EXOC6B: variants seen among roughly 807,000 people sequenced by gnomAD.
The protein encoded by EXOC6B is exocyst complex component 6B, also known as SEC15 homolog B.
A neutral mutation model predicts 113.5 loss-of-function variants in EXOC6B; 54 were observed. That is an observed-to-expected ratio of 0.48 (90% CI 0.38 to 0.60). The LOEUF is 0.60. EXOC6B is among the 20% of genes least tolerant of loss of function. The pLI, the probability that EXOC6B is intolerant of heterozygous loss-of-function variation, is 0.00. For missense variants in EXOC6B, 797 were observed against 977.5 expected (o/e 0.82, Z 2.46); for synonymous variants, 357 against 339.0 (o/e 1.05, Z -0.58).
intron 1 of EXOC6B, among the ~76,000 whole-genome samples, chr2:72,823,174 T>C (rs576639133): frequency 6.9e-6 from 1 of 145,806 alleles, no homozygotes; most frequent in Admixed American, 6.8e-5. Flanking sequence ...AAAAAAAAGT[T>C]GAGATCAAAA....
intron 17 of EXOC6B, among the ~76,000 whole-genome samples, chr2:72,466,431 A>G (rs1698063535): frequency 6.6e-6 from 1 of 152,112 alleles, no homozygotes; most frequent in Admixed American, 6.6e-5. Flanking sequence ...TACCTGTTCA[A>G]CTCAGACCAA....
chr2:72,321,352 T>C (rs1037127765), intron 20 of EXOC6B, among the ~76,000 whole-genome samples: 4 of 151,986 alleles, frequency 2.6e-5, no homozygotes, highest in Non-Finnish European at 5.9e-5. Context: ...CTGGTCAACA[T>C]GGTGAAACCT....
At chr2:72,606,639 T>C (rs1011174076) in intron 6 of EXOC6B, among the ~76,000 whole-genome samples, 4 of 151,884 alleles carry the variant, frequency 2.6e-5, no homozygotes, top group African/African-American at 9.7e-5. Context: ...TTCTTTCTTT[T>C]TTTTTTTTAG....
chr2:72,636,370 A>AAGGAAGGT (rs1287706583), intron 6 of EXOC6B, among the ~76,000 whole-genome samples: 6 of 95,168 alleles, frequency 6.3e-5, no homozygotes, highest in Non-Finnish European at 1.0e-4. Flanking sequence ...GGAAGGAAGG[A>AAGGAAGGT]AGCAAGGAAG....
At chr2:72,517,868 C>G (rs1172131357) in intron 8 of EXOC6B, among the ~76,000 whole-genome samples, 1 of 152,166 alleles carries the variant, frequency 6.6e-6, no homozygotes, top group African/African-American at 2.4e-5. Context: ...TGAACTTCTA[C>G]TTAATTCTAA....
intron 19 of EXOC6B, among the ~76,000 whole-genome samples, chr2:72,351,910 A>G (rs1360971500): frequency 6.6e-6 from 1 of 152,062 alleles, no homozygotes; most frequent in African/African-American, 2.4e-5. Context: ...TGACCACCCC[A>G]CTTCATTTCA....
At chr2:72,474,998 C>T (rs192319761) in intron 17 of EXOC6B, among the ~76,000 whole-genome samples, 10 of 152,264 alleles carry the variant, frequency 6.6e-5, no homozygotes, top group African/African-American at 9.6e-5. Context: ...AAACTCTGTA[C>T]GATTCCTTCA....
intron 1 of EXOC6B, among the ~76,000 whole-genome samples, chr2:72,773,410 A>T (rs1292414285): frequency 6.6e-6 from 1 of 150,824 alleles, no homozygotes; most frequent in Non-Finnish European, 1.5e-5. Context: ...GATTACAGGT[A>T]TGAGCCACCA....
chr2:72,337,207 C>G (rs1017166186), intron 19 of EXOC6B, among the ~76,000 whole-genome samples: 3 of 152,086 alleles, frequency 2.0e-5, no homozygotes, highest in African/African-American at 7.2e-5. Context: ...TGAATTACAG[C>G]CACAGCTATT....
intron 20 of EXOC6B, among the ~76,000 whole-genome samples, chr2:72,264,640 C>T (rs188233677): frequency 9.2e-5 from 14 of 152,140 alleles, no homozygotes; most frequent in Admixed American, 7.2e-4. Flanking sequence ...CAAGATCTCA[C>T]TTTGAATTGT....
chr2:72,704,464 A>G (rs1341218680), intron 6 of EXOC6B, among the ~76,000 whole-genome samples: 1 of 147,776 alleles, frequency 6.8e-6, no homozygotes, highest in Non-Finnish European at 1.5e-5. Context: ...AGAAGGCAAG[A>G]AATAACTAAA....
intron 18 of EXOC6B, chr2:72,464,859 T>C (rs1481897165): frequency 2.8e-6 from 1 of 354,942 alleles, no homozygotes; most frequent in East Asian, 4.3e-5. Flanking sequence ...TCTAACTAAG[T>C]TTCTTTTTTT....
intron 20 of EXOC6B, 87 bp from the exon 21 acceptor site, chr2:72,184,274 C>A (rs1189742913): frequency 3.1e-6 from 2 of 636,950 alleles, no homozygotes; most frequent in African/African-American, 3.7e-5. Flanking sequence ...CCTTCACTAC[C>A]AGCTAATAAA....
intron 20 of EXOC6B, among the ~76,000 whole-genome samples, chr2:72,185,672 G>A (rs564498153): frequency 6.6e-6 from 1 of 151,782 alleles, no homozygotes; most frequent in South Asian, 2.1e-4. Context: ...GTTGACCCAA[G>A]GCCTCAGAGA....
chr2:72,318,950 T>C (rs1015038932), intron 20 of EXOC6B, among the ~76,000 whole-genome samples: 6 of 151,708 alleles, frequency 4.0e-5, no homozygotes, highest in African/African-American at 1.4e-4. Flanking sequence ...TGGGCTTCTA[T>C]AAAACTGATG....
At chr2:72,617,375 C>T (rs1015398671) in intron 6 of EXOC6B, among the ~76,000 whole-genome samples, 1 of 152,114 alleles carries the variant, frequency 6.6e-6, no homozygotes, top group Admixed American at 6.6e-5. Context: ...GGCTCTGACC[C>T]CACATTTCCC....
At chr2:72,236,874 T>A (rs1681988623) in intron 20 of EXOC6B, among the ~76,000 whole-genome samples, 1 of 152,158 alleles carries the variant, frequency 6.6e-6, no homozygotes, top group Non-Finnish European at 1.5e-5. Context: ...CTGTACTACC[T>A]CTGATAACTA....
chr2:72,333,910 G>A (rs917601882), intron 20 of EXOC6B, among the ~76,000 whole-genome samples: 24 of 152,004 alleles, frequency 1.6e-4, no homozygotes, highest in Admixed American at 1.0e-3. Context: ...AGCATGAATC[G>A]AATCACAGTG....
intron 10 of EXOC6B, 113 bp from the exon 11 acceptor site, chr2:72,513,365 T>C: frequency 5.9e-6 from 8 of 1,364,340 alleles, no homozygotes; most frequent in Non-Finnish European, 8.0e-6. Context: ...AGTGGTCATT[T>C]TTTTCTTGAA....
Sources: allele counts gnomAD v4.1 joint callset (sites outside exome capture counted in the v4.1 genomes callset), GRCh38; gene constraint gnomAD v4.1.1; transcripts MANE v1.5; gene names NCBI Gene and HGNC (gene_info 2026-07-23, HGNC 2026-07-21).